The following ACSM2B variants were observed in gnomAD, a reference collection of about 807,000 sequenced individuals.
ACSM2B encodes acyl-coenzyme A synthetase ACSM2B, mitochondrial.
ACSM2B carries 58 observed loss-of-function variants against 78.6 expected under a neutral mutation model. The observed-to-expected ratio is 0.74, with a 90% CI of 0.60 to 0.92. The LOEUF is 0.92. Ranked by LOEUF, ACSM2B falls within the 40% of genes least tolerant of loss-of-function variation. The pLI is 0.00. For missense variants in ACSM2B, 688 were observed against 711.2 expected, an observed-to-expected ratio of 0.97 and a Z score of 0.37; for synonymous variants, 257 against 256.8, an observed-to-expected ratio of 1.00 and a Z score of -0.01.
rs1483634079 is a variant in ACSM2B at position 20,537,037 on chromosome 16, C to T, written c.*221G>A. On this transcript the variant is annotated 3_prime_UTR_variant, in exon 14 of 14. Coordinates refer to ENST00000329697, the MANE Select transcript of ACSM2B (RefSeq NM_001105069.2). Reference sequence around the variant, plus strand: ...CATTTCCCTGACTTACTTTTCTTTCCTCTTTTTCTGTTACCCTCTCCTTTT... The same window carrying T: ...CATTTCCCTGACTTACTTTTCTTTCTTCTTTTTCTGTTACCCTCTCCTTTT... 5 of 455,988 alleles carry T rather than the reference C, an allele frequency of 1.1e-5. No homozygotes were observed. The highest frequency in any genetic ancestry group is 6.3e-5 in the South Asian group (1 of 15,892). The allele number at this position is 455,988 out of a possible 1,614,324, so 28.2% of individuals were successfully genotyped here. A position where few individuals can be genotyped will look rare whatever the true frequency, so the allele number is the denominator to read the frequency against.
chr16:20,542,863 C>T (rs1363282391), intron 12 of ACSM2B, 51 bp downstream of exon 12: 20 of 1,607,950 alleles, frequency 1.2e-5, no homozygotes, highest in Non-Finnish European at 1.6e-5. Flanking sequence ...TCATACTACA[C>T]TGCCCTTGTG....
intron 6 of ACSM2B, among the ~76,000 whole-genome samples, chr16:20,551,342 G>C (rs2015303434): frequency 6.6e-6 from 1 of 152,110 alleles, no homozygotes; most frequent in South Asian, 2.1e-4. Flanking sequence ...CAACTTGATG[G>C]TATTTGGAGG....
intron 1 of ACSM2B, among the ~76,000 whole-genome samples, chr16:20,566,853 C>T (rs1254623621): frequency 8.5e-6 from 1 of 117,908 alleles, no homozygotes; most frequent in Non-Finnish European, 1.7e-5. Context: ...TATATAGACA[C>T]ACTATATACT....
intron 1 of ACSM2B, among the ~76,000 whole-genome samples, chr16:20,567,780 T>TA (rs1236636403): frequency 7.1e-6 from 1 of 140,428 alleles, no homozygotes; most frequent in African/African-American, 2.6e-5. Flanking sequence ...ATATATATAA[T>TA]ATATAATATA....
chr16:20,573,122 G>A (rs890422922), intron 1 of ACSM2B, among the ~76,000 whole-genome samples: 2 of 151,570 alleles, frequency 1.3e-5, no homozygotes, highest in Non-Finnish European at 2.9e-5. Context: ...TGATTTTTGG[G>A]GGGAGGTGTT....
rs143500332 is a variant in ACSM2B, at chr16:20,543,163, G to A, written c.1381C>T (p.Arg461Trp). The change falls in exon 11 of 14, where the codon CGG (arginine) becomes TGG (tryptophan). Residue 461 changes from arginine to tryptophan, a missense_variant. By Grantham distance (101) the Arg-to-Trp change is moderately radical. Coordinates refer to ENST00000329697, the MANE Select transcript of ACSM2B (RefSeq NM_001105069.2). ...CTGGAGTTAATGATATCATCTGCCC[G>A]TCCCATAAACTGGAAATACCCATCT... The part of the protein sequence containing the change: ...DEDGYFQFMG[R>W]ADDIINSSGY... The A allele has an allele frequency of 1.3e-4, 205 of 1,613,784 alleles. No homozygotes were observed. The highest frequency in any genetic ancestry group is 3.7e-4 in the Admixed American group (22 of 60,010).
At position 20,555,266 on chromosome 16, in the gene ACSM2B, C is replaced by T. The variant is rs773462451; in HGVS notation, c.596+3G>A. On this transcript the variant is annotated splice_donor_region_variant and intron_variant, in intron 4 of 13. Coordinates refer to ENST00000329697, the MANE Select transcript of ACSM2B (RefSeq NM_001105069.2). ...ACCCAGGATGAGACATGTAGATACTCACTTTAGTAGTTTCTTGAAGTTCAG... is the reference window on the plus strand; with the variant it reads ...ACCCAGGATGAGACATGTAGATACTTACTTTAGTAGTTTCTTGAAGTTCAG... 11 of 1,613,806 alleles carry T rather than the reference C, an allele frequency of 6.8e-6. No homozygotes were observed. In the Admixed American group the frequency reaches 1.2e-4, roughly 17 times the overall value.
rs560837065 is a variant in ACSM2B at position 20,537,342 on chromosome 16, C to T, written c.1650G>A (p.Leu550=). 3.8e-5 allele frequency: 61 copies of T among 1,614,002 alleles called. No individual in the cohort carries two copies. The Admixed American group carries it at 7.7e-4, about 20-fold the overall frequency. The change falls in exon 14 of 14, where the codon CTG becomes CTA. Residue 550 remains leucine, a synonymous_variant. Transcript: ENST00000329697. ...YPRKIEFVLN[L]PKTVTGKIQR... Reference sequence around the variant, plus strand: ...GAATTTTCCCTGTGACAGTCTTGGGCAGGTTCAAGACAAACTCTATCTGTT... The same window carrying T: ...GAATTTTCCCTGTGACAGTCTTGGGTAGGTTCAAGACAAACTCTATCTGTT...
rs551126943 is a variant in ACSM2B, at chr16:20,573,890, A to G, written c.-9+2317T>C. Among the ~76,000 whole-genome samples, 159 of 151,608 alleles carry G rather than the reference A, an allele frequency of 1.0e-3. No individual in the cohort carries two copies. In the South Asian group the frequency reaches 0.032, roughly 31 times the overall value. The stretch of plus-strand genomic sequence containing the variant: ...ACAAGGCAAAGGCAAAATTAGAATT[A>G]CTGATGAGGGTCTATGTCCTGCTGT... On this transcript the variant is annotated intron_variant, in intron 1 of 13. Coordinates refer to ENST00000329697, the MANE Select transcript of ACSM2B (RefSeq NM_001105069.2).
At chr16:20,573,478 A>T (rs1399828817) in intron 1 of ACSM2B, among the ~76,000 whole-genome samples, 1 of 146,082 alleles carries the variant, frequency 6.8e-6, no homozygotes, top group Non-Finnish European at 1.5e-5. Flanking sequence ...GGTGGGGAGG[A>T]AGTTGTTTCT....
intron 1 of ACSM2B, among the ~76,000 whole-genome samples, chr16:20,573,164 C>T (rs1480365983): frequency 7.9e-5 from 12 of 151,732 alleles, no homozygotes; most frequent in African/African-American, 1.5e-4. Flanking sequence ...TTCCCAGAAT[C>T]GTTTTCCTGG....
intron 1 of ACSM2B, among the ~76,000 whole-genome samples, chr16:20,565,769 A>T (rs2015806968): frequency 6.6e-6 from 1 of 152,056 alleles, no homozygotes; most frequent in Non-Finnish European, 1.5e-5. Flanking sequence ...GTATACACTT[A>T]ACAGTACACA....
intron 2 of ACSM2B, among the ~76,000 whole-genome samples, chr16:20,563,478 T>C (rs1449712026): frequency 6.6e-6 from 1 of 152,162 alleles, no homozygotes; most frequent in Non-Finnish European, 1.5e-5. Context: ...GAGAGATTTT[T>C]TGATGTTTAT....
At chr16:20,561,024 G>A (rs1312726559) in intron 2 of ACSM2B, among the ~76,000 whole-genome samples, 3 of 152,028 alleles carry the variant, frequency 2.0e-5, no homozygotes, top group East Asian at 1.9e-4. Context: ...TTAAGCAACA[G>A]AGCATTCAAG....
chr16:20,550,388 A>T (rs1440980256), intron 6 of ACSM2B, among the ~76,000 whole-genome samples: 2 of 152,126 alleles, frequency 1.3e-5, no homozygotes, highest in Non-Finnish European at 2.9e-5. Flanking sequence ...TTGCAACTAC[A>T]TACTCATTTG....
At chr16:20,537,621 C>T (rs2014881096) in intron 13 of ACSM2B, among the ~76,000 whole-genome samples, 1 of 152,188 alleles carries the variant, frequency 6.6e-6, no homozygotes, top group Non-Finnish European at 1.5e-5. Context: ...AACAGTCAGC[C>T]AGCTGAGCCT....
At position 20,559,278 on chromosome 16, in the gene ACSM2B, A is replaced by G; in HGVS notation, c.347T>C (p.Val116Ala). ...CAGGATCACCAGCCACCACTCAGGC[A>G]CTCGGGGCAGCATCACTGCCACACG... The part of the protein sequence containing the change: ...GDRVAVMLPR[V>A]PEWWLVILGC... Residue 116 changes from valine to alanine, a missense_variant, in exon 3 of 14, where the codon GTG (valine) becomes GCG (alanine). Val to Ala is a moderately conservative substitution (Grantham distance 64). Transcript: ENST00000329697. 6.2e-7 allele frequency: 1 copy of G among 1,613,542 alleles called. No homozygotes were observed. The highest frequency in any genetic ancestry group is 1.3e-5 in the African/African-American group (1 of 74,908).
At chr16:20,568,120 T>C (rs2015984192) in intron 1 of ACSM2B, among the ~76,000 whole-genome samples, 1 of 143,472 alleles carries the variant, frequency 7.0e-6, no homozygotes, top group Non-Finnish European at 1.5e-5. Flanking sequence ...ATACATATTA[T>C]ATATATGTTA....
chr16:20,544,858 G>A, intron 10 of ACSM2B: 1 of 1,048,860 alleles, frequency 9.5e-7, no homozygotes, highest in South Asian at 4.4e-5. Flanking sequence ...TGGGGGAATG[G>A]TGCTGTGTAT....
Sources: allele counts gnomAD v4.1 joint callset (sites outside exome capture counted in the v4.1 genomes callset), GRCh38; gene constraint gnomAD v4.1.1; transcripts MANE v1.5; gene names NCBI Gene and HGNC (gene_info 2026-07-23, HGNC 2026-07-21).